The following NDUFAF3 variants were observed in gnomAD, a reference collection of about 807,000 sequenced individuals.
NDUFAF3 encodes the protein NADH:ubiquinone oxidoreductase complex assembly factor 3, also known as NADH dehydrogenase [ubiquinone] 1 alpha subcomplex assembly factor 3.
In NDUFAF3, 21 loss-of-function variants were observed where a neutral mutation model predicts 22.6. The ratio of observed to expected loss-of-function variants is 0.93; its 90% CI spans 0.66 to 1.34. NDUFAF3 has a LOEUF of 1.34. Ranked by LOEUF, NDUFAF3 falls within the 40% of genes most tolerant of loss-of-function variation. The pLI, the probability that NDUFAF3 is intolerant of heterozygous loss-of-function variation, is 0.00. For missense variants in NDUFAF3, 251 were observed against 248.4 expected (o/e 1.01, Z -0.07); for synonymous variants, 113 against 104.9 (o/e 1.08, Z -0.47).
upstream of NDUFAF3, chr3:49,022,085 G>T (rs895376366): frequency 3.9e-6 from 6 of 1,545,350 alleles, no homozygotes; most frequent in Admixed American, 9.3e-5. The surrounding 1 kb of genome is among the most constrained non-coding windows in gnomAD (Gnocchi z 6.6). Context: ...GGCTCCGCAG[G>T]GCCCTCCCAA....
At chr3:49,021,223 C>T (rs918002538), upstream of NDUFAF3, 1 of 152,484 alleles carries the variant, frequency 6.6e-6, no homozygotes, top group African/African-American at 2.4e-5. This position sits in a 1 kb window ranked among gnomAD's most constrained non-coding sequence, Gnocchi z 4.1. Flanking sequence ...TCCCGCTCGC[C>T]CGGCCCCGCG....
At chr3:49,021,763 C>T, upstream of NDUFAF3, 1 of 310,944 alleles carries the variant, frequency 3.2e-6, no homozygotes, top group East Asian at 8.5e-5. The surrounding 1 kb of genome is among the most constrained non-coding windows in gnomAD (Gnocchi z 4.1). Context: ...ACCGCCTGGC[C>T]AGGTGTTCGG....
In NDUFAF3 at chr3:49,022,976, G is replaced by A. The variant is rs140798927; in HGVS notation, c.438G>A (p.Thr146=). ...QRGIAVEVQD[T]PNACATFNFL... ...GCATTGCTGTGGAAGTGCAGGACAC[G>A]GTGAGTCCCGGGACTGGGGCATGCT... is the stretch of plus-strand genomic sequence containing the variant. Residue 146 remains threonine, a splice_region_variant and synonymous_variant, in exon 4 of 5, where the codon ACG becomes ACA. Transcript: ENST00000326925. This position sits in a 1 kb window ranked among gnomAD's most constrained non-coding sequence, Gnocchi z 6.6. The A allele has an allele frequency of 1.9e-5, 31 of 1,613,976 alleles. No individual in the cohort carries two copies. Among genetic ancestry groups the A allele is most frequent in the African/African-American group, 5.3e-5 (4 of 74,930 alleles).
upstream of NDUFAF3, chr3:49,021,352 C>T (rs983059458): frequency 1.3e-5 from 2 of 152,504 alleles, no homozygotes; most frequent in African/African-American, 4.8e-5. The surrounding 1 kb of genome is among the most constrained non-coding windows in gnomAD (Gnocchi z 4.1). Context: ...TGGATCAAGA[C>T]GGGGGACGGG....
chr3:49,022,280 C>T lies in NDUFAF3; in HGVS notation c.77+59C>T, dbSNP rs1314256189. The T allele has an allele frequency of 2.2e-5, 36 of 1,607,704 alleles. No homozygotes were observed. The highest frequency in any genetic ancestry group is 3.0e-5 in the Non-Finnish European group (35 of 1,178,564). ...CCCCCTAGGGCCGGCGACTGCCAGC[C>T]CAGCACCTTCCGGCCTCTCGGGCTG... On this transcript the variant is annotated intron_variant, in intron 1 of 4. Coordinates refer to ENST00000326925, the MANE Select transcript of NDUFAF3 (RefSeq NM_199069.2). The surrounding 1 kb of genome is among the most constrained non-coding windows in gnomAD (Gnocchi z 6.6).
chr3:49,021,990 A>T, upstream of NDUFAF3: 1 of 773,334 alleles, frequency 1.3e-6, no homozygotes, highest in Non-Finnish European at 2.1e-6. This position sits in a 1 kb window ranked among gnomAD's most constrained non-coding sequence, Gnocchi z 4.1. Context: ...TCGGCCTCCT[A>T]AGACTGAGGA....
Position 49,023,221 on chromosome 3 carries a change from CTTTCACTCTTAT to C in NDUFAF3, c.*50_*61del. On this transcript the variant is annotated 3_prime_UTR_variant, in exon 5 of 5. Transcript: ENST00000326925. Reference sequence around the variant, plus strand: ...CTGCACTCTGCCAGGCTTCCCAATGCTTTCACTCTTATCTACCCTTTGGCACTTATCTTGCTT... The same window carrying C: ...CTGCACTCTGCCAGGCTTCCCAATGCCTACCCTTTGGCACTTATCTTGCTT... 1 of 1,340,328 alleles carries C rather than the reference CTTTCACTCTTAT, an allele frequency of 7.5e-7. No homozygotes were observed. The allele number at this position is 1,340,328 out of a possible 1,614,324, so 83.0% of individuals were successfully genotyped here. A position where few individuals can be genotyped will look rare whatever the true frequency, so the allele number is the denominator to read the frequency against.
Position 49,022,303 on chromosome 3 carries a change from C to G in NDUFAF3, c.78-43C>G, listed in dbSNP as rs1288564683. 2 of 1,606,772 alleles carry G rather than the reference C, an allele frequency of 1.2e-6. No individual in the cohort carries two copies. Reference sequence around the variant, plus strand: ...GCCCAGCACCTTCCGGCCTCTCGGGCTGCCCGGCCCGGCCCCGCGCCCCTG... The same window carrying G: ...GCCCAGCACCTTCCGGCCTCTCGGGGTGCCCGGCCCGGCCCCGCGCCCCTG... On this transcript the variant is annotated intron_variant, in intron 1 of 4. Transcript: ENST00000326925. The surrounding 1 kb of genome is among the most constrained non-coding windows in gnomAD (Gnocchi z 6.6).
chr3:49,021,642 G>A (rs774579592), upstream of NDUFAF3: 3 of 166,694 alleles, frequency 1.8e-5, no homozygotes, highest in Non-Finnish European at 3.9e-5. The surrounding 1 kb of genome is among the most constrained non-coding windows in gnomAD (Gnocchi z 4.1). Context: ...GCGGGTGACG[G>A]TTAGGGCGGG....
In NDUFAF3 at chr3:49,022,338, C is replaced by T. The variant is rs1382850851; in HGVS notation, c.78-8C>T. 6.2e-7 allele frequency: 1 copy of T among 1,611,222 alleles called. No homozygotes were observed. The highest frequency in any genetic ancestry group is 1.1e-5 in the South Asian group (1 of 91,056). ...CGGCCCCGCGCCCCTGACCCTTTCC[C>T]TCCGCAGGGCCCCGCGGCGAGGGCA... On this transcript the variant is annotated splice_region_variant and splice_polypyrimidine_tract_variant and intron_variant, in intron 1 of 4. Transcript: ENST00000326925. The surrounding 1 kb of genome is among the most constrained non-coding windows in gnomAD (Gnocchi z 6.6).
Position 49,022,302 on chromosome 3 carries a change from G to A in NDUFAF3, c.78-44G>A. 6.2e-7 allele frequency: 1 copy of A among 1,606,778 alleles called. No individual in the cohort carries two copies. Among genetic ancestry groups the A allele is most frequent in the Non-Finnish European group, 8.5e-7 (1 of 1,178,140 alleles). ...AGCCCAGCACCTTCCGGCCTCTCGG[G>A]CTGCCCGGCCCGGCCCCGCGCCCCT... On this transcript the variant is annotated intron_variant, in intron 1 of 4. Transcript: ENST00000326925. The surrounding 1 kb of genome is among the most constrained non-coding windows in gnomAD (Gnocchi z 6.6).
Position 49,023,147 on chromosome 3 carries a change from C to G in NDUFAF3, c.530C>G (p.Thr177Arg). Residue 177 changes from threonine to arginine, a missense_variant, in exon 5 of 5, where the codon ACA becomes AGA. By Grantham distance (71) the Thr-to-Arg change is moderately conservative. Coordinates refer to ENST00000326925, the MANE Select transcript of NDUFAF3 (RefSeq NM_199069.2). ...CCTCCACCAGGAGGGACTTCACTTA[C>G]ATCTTTGGGCCAAGCTGCTCAATGA... The part of the protein sequence containing the change: ...LIPPPGGTSL[T>R]SLGQAAQ The G allele has an allele frequency of 6.2e-7, 1 of 1,614,082 alleles. No individual in the cohort carries two copies. Among genetic ancestry groups the G allele is most frequent in the South Asian group, 1.1e-5 (1 of 91,078 alleles).
upstream of NDUFAF3, chr3:49,021,791 G>T: frequency 2.9e-6 from 1 of 346,814 alleles, no homozygotes; most frequent in Non-Finnish European, 5.3e-6. This position sits in a 1 kb window ranked among gnomAD's most constrained non-coding sequence, Gnocchi z 4.1. Context: ...CCAGGTGGGC[G>T]GTCGCCCCGC....
At chr3:49,020,615 C>T (rs1466474049), upstream of NDUFAF3, 1 of 485,014 alleles carries the variant, frequency 2.1e-6, no homozygotes, top group Non-Finnish European at 4.3e-6. Flanking sequence ...CAGGGCGCTG[C>T]TCAGGCAGGA....
rs766174337 is a variant in NDUFAF3 at position 49,022,445 on chromosome 3, C to T, written c.177C>T (p.Tyr59=). 3 of 1,613,070 alleles carry T rather than the reference C, an allele frequency of 1.9e-6. No homozygotes were observed. The highest frequency in any genetic ancestry group is 2.5e-6 in the Non-Finnish European group (3 of 1,180,022). Residue 59 remains tyrosine, a synonymous_variant, in exon 2 of 5, where the codon TAC becomes TAT. Transcript: ENST00000326925. The surrounding 1 kb of genome is among the most constrained non-coding windows in gnomAD (Gnocchi z 6.6). ...LLQREAAQAM[Y]IDSYNSRGFM... The stretch of plus-strand genomic sequence containing the variant: ...AACGCGAGGCCGCTCAGGCAATGTA[C>T]ATCGACAGCTACAACAGCCGCGGCT...
chr3:49,023,415 G>A lies in NDUFAF3; in HGVS notation c.*243G>A, dbSNP rs941353519. 2.3e-5 allele frequency: 13 copies of A among 562,166 alleles called. No individual in the cohort carries two copies. Among genetic ancestry groups the A allele is most frequent in the African/African-American group, 5.6e-5 (3 of 53,256 alleles). 34.8% of individuals were successfully genotyped at this position (562,166 alleles called of 1,614,324 possible). A position where few individuals can be genotyped will look rare whatever the true frequency, so the allele number is the denominator to read the frequency against. ...AGGATTCCTTGACTTTTCAGAAGTCGGGAAGCAGTATGTTTGCCTGTTGTA... is the reference window on the plus strand; with the variant it reads ...AGGATTCCTTGACTTTTCAGAAGTCAGGAAGCAGTATGTTTGCCTGTTGTA... On this transcript the variant is annotated 3_prime_UTR_variant, in exon 5 of 5. Transcript: ENST00000326925.
chr3:49,022,962 G>A lies in NDUFAF3; in HGVS notation c.424G>A (p.Glu142Lys). ...CATGAGGCAGCGGGGCATTGCTGTG[G>A]AAGTGCAGGACACGGTGAGTCCCGG... is the stretch of plus-strand genomic sequence containing the variant. ...QAMRQRGIAV[E>K]VQDTPNACAT... Residue 142 changes from glutamate (E) to lysine (K), a missense_variant, in exon 4 of 5, where the codon GAA (glutamate) becomes AAA (lysine). Coordinates refer to ENST00000326925, the MANE Select transcript of NDUFAF3 (RefSeq NM_199069.2). This position sits in a 1 kb window ranked among gnomAD's most constrained non-coding sequence, Gnocchi z 6.6. The A allele has an allele frequency of 6.2e-7, 1 of 1,614,166 alleles. No homozygotes were observed.
In NDUFAF3 at chr3:49,022,689, C is replaced by T; in HGVS notation, c.271-13C>T. 1.2e-6 allele frequency: 2 copies of T among 1,614,082 alleles called. No homozygotes were observed. Among genetic ancestry groups the T allele is most frequent in the Admixed American group, 1.7e-5 (1 of 60,024 alleles). On this transcript the variant is annotated splice_polypyrimidine_tract_variant and intron_variant, in intron 2 of 4. Transcript: ENST00000326925. The surrounding 1 kb of genome is among the most constrained non-coding windows in gnomAD (Gnocchi z 6.6). Reference sequence around the variant, plus strand: ...TGGATTTGTCGTATTAAATGTGCCTCCTCCCTGCACAGGTGGGATCCCACC... The same window carrying T: ...TGGATTTGTCGTATTAAATGTGCCTTCTCCCTGCACAGGTGGGATCCCACC...
At chr3:49,021,390 C>T (rs1474313567), upstream of NDUFAF3, 1 of 152,792 alleles carries the variant, frequency 6.5e-6, no homozygotes, top group South Asian at 2.0e-4. This position sits in a 1 kb window ranked among gnomAD's most constrained non-coding sequence, Gnocchi z 4.1. Context: ...GCAGAGTGAA[C>T]GAGGACAAGG....
Sources: allele counts gnomAD v4.1 joint callset, GRCh38; gene constraint gnomAD v4.1.1; non-coding constraint Gnocchi (gnomAD v3.1); transcripts MANE v1.5; gene names NCBI Gene and HGNC (gene_info 2026-07-23, HGNC 2026-07-21).